CRIM1: variants seen among roughly 807,000 people sequenced by gnomAD.
The protein encoded by CRIM1 is cysteine rich transmembrane BMP regulator 1.
Under a neutral mutation model 116.4 loss-of-function variants are expected in CRIM1, and 32 were observed. That is an observed-to-expected ratio of 0.27 (90% CI 0.21 to 0.37). The LOEUF (loss-of-function observed/expected upper bound fraction) is 0.37, where lower values mean the gene tolerates loss of function less well. CRIM1 is among the 10% of genes least tolerant of loss of function. CRIM1 has a pLI of 1.00. For synonymous variants in CRIM1, 590 were observed against 509.2 expected, an observed-to-expected ratio of 1.16 and a Z score of -2.13; for missense variants, 1,331 against 1,354.8, an observed-to-expected ratio of 0.98 and a Z score of 0.28.
In CRIM1 at chr2:36,460,466, G is replaced by A. The variant is rs75161496; in HGVS notation, c.870-4068G>A. Among the ~76,000 whole-genome samples the A allele has an allele frequency of 2.0e-3, 308 of 152,276 alleles. 1 individual carries two copies. The highest frequency in any genetic ancestry group is 7.1e-3 in the African/African-American group (296 of 41,546). ...GTTCTGAAATTAGGTACTAGTGATG[G>A]TTATACAACCTTGTGAGTATAAAAC... is the stretch of plus-strand genomic sequence containing the variant. On this transcript the variant is annotated intron_variant, in intron 4 of 16. Coordinates refer to ENST00000280527, the MANE Select transcript of CRIM1 (RefSeq NM_016441.3).
At chr2:36,534,749 GAAAA>G (rs143799818) in intron 13 of CRIM1, among the ~76,000 whole-genome samples, 22 of 144,820 alleles carry the variant, frequency 1.5e-4, no homozygotes, top group African/African-American at 5.5e-4. Flanking sequence ...AGGAAGGAAA[GAAAA>G]AAAAAAGAAT....
intron 2 of CRIM1, among the ~76,000 whole-genome samples, chr2:36,431,357 T>C (rs1674876960): frequency 6.6e-6 from 1 of 152,186 alleles, no homozygotes; most frequent in Non-Finnish European, 1.5e-5. Context: ...GTAGAATAAA[T>C]GTCTTTATGC....
At chr2:36,382,250 G>A (rs1276462117) in intron 1 of CRIM1, among the ~76,000 whole-genome samples, 1 of 152,230 alleles carries the variant, frequency 6.6e-6, no homozygotes, top group Non-Finnish European at 1.5e-5. Flanking sequence ...TTTCACTGGG[G>A]ATGTTTAAAA....
At chr2:36,402,365 A>G (rs2148394074) in intron 2 of CRIM1, among the ~76,000 whole-genome samples, 1 of 150,606 alleles carries the variant, frequency 6.6e-6, no homozygotes, top group East Asian at 2.0e-4. Flanking sequence ...TGGACGGAAC[A>G]GCAACTGCAA....
At chr2:36,411,783 C>T (rs1673228887) in intron 2 of CRIM1, among the ~76,000 whole-genome samples, 1 of 152,048 alleles carries the variant, frequency 6.6e-6, no homozygotes, top group Admixed American at 6.6e-5. Context: ...CTTAATGGTG[C>T]ACATTAGTTA....
At chr2:36,514,788 G>A (rs1030093877) in intron 11 of CRIM1, among the ~76,000 whole-genome samples, 6 of 152,150 alleles carry the variant, frequency 3.9e-5, no homozygotes, top group Non-Finnish European at 8.8e-5. Flanking sequence ...GACCTTGTTC[G>A]CCATGGTTGG....
intron 2 of CRIM1, among the ~76,000 whole-genome samples, chr2:36,438,530 C>T (rs1309422359): frequency 2.0e-5 from 3 of 152,152 alleles, no homozygotes; most frequent in African/African-American, 7.2e-5. Flanking sequence ...TAATCATGTT[C>T]TCTTCTCACG....
In CRIM1 at chr2:36,547,136, A is replaced by G. The variant is rs1558426798; in HGVS notation, c.2899A>G (p.Ile967Val). The G allele has an allele frequency of 1.9e-6, 3 of 1,612,962 alleles. No homozygotes were observed. Among genetic ancestry groups the G allele is most frequent in the Non-Finnish European group, 1.7e-6 (2 of 1,179,266 alleles). ...ATTCATCAATCAGAAGAAACAGTGG[A>G]TACCACTGCTTTGCTGGTATCGAAC... is the stretch of plus-strand genomic sequence containing the variant. Reference protein sequence around the residue: ...FLFINQKKQWIPLLCWYRTPT... With the variant: ...FLFINQKKQWVPLLCWYRTPT... The change falls in exon 16 of 17, where the codon ATA (isoleucine) becomes GTA (valine). Residue 967 changes from isoleucine (I) to valine (V), a missense_variant. Around this residue, in one of 3 missense-constraint regions of CRIM1, gnomAD observed 283 missense variants for 242.8 expected, o/e 1.17. Coordinates refer to ENST00000280527, the MANE Select transcript of CRIM1 (RefSeq NM_016441.3).
In CRIM1 at chr2:36,356,041, GGGA is replaced by G. The variant is rs528109428; in HGVS notation, c.-231_-229del. 0.011 allele frequency: 1,646 copies of G among 152,454 alleles called. 27 individuals carry two copies. Among genetic ancestry groups the G allele is most frequent in the African/African-American group, 0.032 (1,315 of 41,272 alleles). 9.4% of individuals were successfully genotyped at this position (152,454 alleles called of 1,614,324 possible). ...TTTTTCTTTTTTCCCCCTCCCTCCCGGGAGGAGGAGGAGGAGGAGGAGGGGAAG... is the reference window on the plus strand; with the variant it reads ...TTTTTCTTTTTTCCCCCTCCCTCCCGGGAGGAGGAGGAGGAGGAGGGGAAG... On this transcript the variant is annotated 5_prime_UTR_variant, in exon 1 of 17. Transcript: ENST00000280527. This position sits in a 1 kb window ranked among gnomAD's most constrained non-coding sequence, Gnocchi z 4.3.
intron 2 of CRIM1, among the ~76,000 whole-genome samples, chr2:36,398,468 C>T (rs1243463977): frequency 6.6e-6 from 1 of 152,200 alleles, no homozygotes; most frequent in Non-Finnish European, 1.5e-5. Context: ...TATTTATGAT[C>T]TTTGCAATGT....
intron 2 of CRIM1, among the ~76,000 whole-genome samples, chr2:36,412,298 G>A (rs1241852514): frequency 1.4e-5 from 2 of 144,864 alleles, no homozygotes; most frequent in East Asian, 2.0e-4. Context: ...GGTGGGGGGC[G>A]CACGGAATAC....
At chr2:36,522,425 G>C (rs1396523863) in intron 13 of CRIM1, 112 bp downstream of exon 13, 1 of 796,032 alleles carries the variant, frequency 1.3e-6, no homozygotes, top group African/African-American at 1.7e-5. Flanking sequence ...TTCCCTGCTT[G>C]ACATGTCACA....
At chr2:36,469,825 C>A (rs887772326) in intron 5 of CRIM1, among the ~76,000 whole-genome samples, 1 of 152,150 alleles carries the variant, frequency 6.6e-6, no homozygotes, top group African/African-American at 2.4e-5. Context: ...GTTCCTGGGG[C>A]CTTGTTAAGC....
chr2:36,411,241 G>A (rs771766392), intron 2 of CRIM1, among the ~76,000 whole-genome samples: 1 of 151,962 alleles, frequency 6.6e-6, no homozygotes, highest in African/African-American at 2.4e-5. Flanking sequence ...ATTATTATGT[G>A]GTGTTAACAC....
At chr2:36,362,981 T>A (rs911102396) in intron 1 of CRIM1, among the ~76,000 whole-genome samples, 1 of 151,988 alleles carries the variant, frequency 6.6e-6, no homozygotes. Context: ...ATGGATCGCC[T>A]GAGGTCAGGA....
intron 1 of CRIM1, among the ~76,000 whole-genome samples, chr2:36,389,687 A>G (rs1671431403): frequency 6.6e-6 from 1 of 152,186 alleles, no homozygotes; most frequent in Non-Finnish European, 1.5e-5. Flanking sequence ...TGAGCATACA[A>G]ATGCCTTCCA....
intron 1 of CRIM1, among the ~76,000 whole-genome samples, chr2:36,367,858 C>G (rs1357355707): frequency 2.0e-5 from 3 of 152,168 alleles, no homozygotes; most frequent in Non-Finnish European, 2.9e-5. Context: ...CAGGGTAGAA[C>G]TCAAACCTCT....
intron 2 of CRIM1, among the ~76,000 whole-genome samples, chr2:36,424,254 A>G (rs1248430795): frequency 3.3e-5 from 5 of 152,226 alleles, no homozygotes. Flanking sequence ...AAGGAATCCA[A>G]CTTGTAGGGG....
At chr2:36,383,977 C>G (rs1030505182) in intron 1 of CRIM1, among the ~76,000 whole-genome samples, 1 of 152,138 alleles carries the variant, frequency 6.6e-6, no homozygotes, top group African/African-American at 2.4e-5. Flanking sequence ...AAAATTCTTA[C>G]CAACTGGAGC....
Sources: gnomAD v4.1 joint callset for allele counts (sites outside exome capture counted in the v4.1 genomes callset) on GRCh38, gnomAD v4.1.1 for gene constraint, gnomAD v4.1.1 regional missense constraint, Gnocchi (gnomAD v3.1) non-coding constraint, MANE v1.5 for transcripts, NCBI Gene and HGNC (gene_info 2026-07-23, HGNC 2026-07-21) for gene names.